B9D1: variants seen among roughly 807,000 people sequenced by gnomAD.
B9D1 encodes the protein B9 domain-containing protein 1.
B9D1 carries 20 observed loss-of-function variants against 26.1 expected under a neutral mutation model. The observed-to-expected ratio is 0.77, with a 90% CI of 0.54 to 1.12. The LOEUF is 1.12. Among genes scored for constraint, B9D1 ranks in the 50% most tolerant of loss-of-function variants. B9D1 has a pLI of 0.00. For synonymous variants in B9D1, 105 were observed against 103.1 expected (o/e 1.02, Z -0.11); for missense variants, 260 against 273.7 (o/e 0.95, Z 0.35).
At chr17:19,357,459 A>T (rs1910496577) in intron 3 of B9D1, 2 of 337,236 alleles carry the variant, frequency 5.9e-6, no homozygotes, top group Non-Finnish European at 1.2e-5. Context: ...GCACAGGAGG[A>T]GAAAGTGCCA....
intron 5 of B9D1, chr17:19,346,877 C>G: frequency 7.2e-7 from 1 of 1,397,754 alleles, no homozygotes; most frequent in Non-Finnish European, 9.3e-7. Flanking sequence ...ATGTCAGCTC[C>G]GGCCAGAGAC....
intron 3 of B9D1, among the ~76,000 whole-genome samples, chr17:19,352,151 G>A (rs1384146154): frequency 2.0e-5 from 3 of 152,092 alleles, no homozygotes; most frequent in Non-Finnish European, 2.9e-5. Context: ...CTCCCAAAGT[G>A]TTGGGATTAT....
chr17:19,361,816 G>A lies in B9D1; in HGVS notation c.63+691C>T, dbSNP rs542172277. ...AGTGAAGCTTTGAGGTCAGATAGGCGTGGGTTCAATTCCCAGACAGGCCAG... is the reference window on the plus strand; with the variant it reads ...AGTGAAGCTTTGAGGTCAGATAGGCATGGGTTCAATTCCCAGACAGGCCAG... On this transcript the variant is annotated intron_variant, in intron 1 of 6. Transcript: ENST00000261499. Among the ~76,000 whole-genome samples, 67 of 152,180 alleles carry A rather than the reference G, an allele frequency of 4.4e-4. 1 individual carries two copies. The highest frequency in any genetic ancestry group is 4.1e-3 in the Admixed American group (62 of 15,286).
chr17:19,369,684 A>G (rs1379635291), intron 1 of B9D1, among the ~76,000 whole-genome samples: 1 of 152,190 alleles, frequency 6.6e-6, no homozygotes, highest in African/African-American at 2.4e-5. Context: ...GCAAAGAAAA[A>G]TACAGGATGC....
intron 1 of B9D1, chr17:19,371,475 G>C (rs879799400): frequency 6.6e-6 from 1 of 152,218 alleles, no homozygotes; most frequent in Admixed American, 6.5e-5. Flanking sequence ...TTTTGCAGAA[G>C]TGAGACTGAG....
In B9D1 at chr17:19,359,565, T is replaced by C. The variant is rs570057525; in HGVS notation, c.132+755A>G. 1.3e-5 allele frequency among the ~76,000 whole-genome samples: 2 copies of C among 152,290 alleles called. No homozygotes were observed. Among genetic ancestry groups the C allele is most frequent in the East Asian group, 3.9e-4 (2 of 5,186 alleles). Reference sequence around the variant, plus strand: ...CCTTCTCATCACTCATCCCTGTCACTTCCTGGCTTGGTCTCCCCTCACACT... The same window carrying C: ...CCTTCTCATCACTCATCCCTGTCACCTCCTGGCTTGGTCTCCCCTCACACT... On this transcript the variant is annotated intron_variant, in intron 2 of 6. Coordinates refer to ENST00000261499, the MANE Select transcript of B9D1 (RefSeq NM_015681.6). The surrounding 1 kb of genome is among the most constrained non-coding windows in gnomAD (Gnocchi z 5.0).
chr17:19,337,737 C>CTATGACAGACAGCCA, downstream of B9D1: 1 of 1,535,194 alleles, frequency 6.5e-7, no homozygotes, highest in East Asian at 2.4e-5. Context: ...TGACAGACAG[C>CTATGACAGACAGCCA]CCTGAAGGTG....
intron 1 of B9D1, chr17:19,377,737 G>T: frequency 4.2e-6 from 3 of 706,860 alleles, no homozygotes; most frequent in Non-Finnish European, 3.5e-6. Flanking sequence ...CGGTTCCAGC[G>T]AGGGCTCCGC....
chr17:19,376,687 A>C (rs1261796572), intron 1 of B9D1, among the ~76,000 whole-genome samples: 1 of 148,560 alleles, frequency 6.7e-6, no homozygotes, highest in Non-Finnish European at 1.5e-5. Flanking sequence ...GATCCCAGCT[A>C]TTCGGGAGGC....
At chr17:19,356,302 G>C (rs1910346584) in intron 3 of B9D1, among the ~76,000 whole-genome samples, 1 of 152,104 alleles carries the variant, frequency 6.6e-6, no homozygotes, top group Non-Finnish European at 1.5e-5. Context: ...ATATTGCCCA[G>C]GCTGGTCTTA....
intron 3 of B9D1, among the ~76,000 whole-genome samples, chr17:19,355,301 G>A (rs1212493155): frequency 6.6e-6 from 1 of 152,174 alleles, no homozygotes; most frequent in Admixed American, 6.5e-5. Context: ...GCCAAGGTGG[G>A]AGGATTGCCT....
At chr17:19,337,771 G>C, downstream of B9D1, 3 of 1,516,350 alleles carry the variant, frequency 2.0e-6, no homozygotes, top group South Asian at 2.4e-5. Context: ...AAATGGACAA[G>C]GGTCAAGCAT....
At chr17:19,360,975 C>T (rs1195341647) in intron 1 of B9D1, among the ~76,000 whole-genome samples, 2 of 152,158 alleles carry the variant, frequency 1.3e-5, no homozygotes, top group East Asian at 1.9e-4. Context: ...CAGCTGCTCC[C>T]CATTGCTCGC....
intron 3 of B9D1, among the ~76,000 whole-genome samples, chr17:19,353,706 C>T (rs921542474): frequency 4.0e-5 from 6 of 151,540 alleles, no homozygotes; most frequent in Admixed American, 6.6e-5. Context: ...TTTGGGAGGC[C>T]GAGGTGGGCG....
chr17:19,362,160 T>C (rs1362748912), intron 1 of B9D1, among the ~76,000 whole-genome samples: 1 of 152,150 alleles, frequency 6.6e-6, no homozygotes, highest in Admixed American at 6.5e-5. Flanking sequence ...ACAGCGCAAA[T>C]GCTGGAAACT....
intron 1 of B9D1, among the ~76,000 whole-genome samples, chr17:19,376,624 CAAA>C (rs56972267): frequency 2.2e-4 from 11 of 48,956 alleles, no homozygotes; most frequent in Non-Finnish European, 2.6e-4. Flanking sequence ...TACTAAAATA[CAAA>C]AAAAAAAAAA....
At chr17:19,358,929 C>T (rs1910696517) in intron 2 of B9D1, among the ~76,000 whole-genome samples, 1 of 152,230 alleles carries the variant, frequency 6.6e-6, no homozygotes. Context: ...ATCTGTTCTT[C>T]TCACTGAAAG....
chr17:19,343,836 G>A lies in B9D1; in HGVS notation c.426C>T (p.Pro142=), dbSNP rs775970042. The change falls in exon 6 of 7, where the codon CCC becomes CCT. Residue 142 remains proline (P), a synonymous_variant. Transcript: ENST00000261499. ...CCACCACCTTGGGGTCTGTGTACTC[G>A]GGCCGCCGCCCCATGAACCAGCTGG... The part of the protein sequence containing the change: ...KFTSWFMGRR[P]EYTDPKVVAQ... 19 of 1,614,028 alleles carry A rather than the reference G, an allele frequency of 1.2e-5. No individual in the cohort carries two copies. The highest frequency in any genetic ancestry group is 5.5e-5 in the South Asian group (5 of 91,080).
At chr17:19,356,466 G>A (rs1189115654) in intron 3 of B9D1, among the ~76,000 whole-genome samples, 1 of 152,212 alleles carries the variant, frequency 6.6e-6, no homozygotes, top group Non-Finnish European at 1.5e-5. Context: ...GAATCAGGAG[G>A]TTGAAATCAT....
Sources: allele counts gnomAD v4.1 joint callset (sites outside exome capture counted in the v4.1 genomes callset), GRCh38; gene constraint gnomAD v4.1.1; non-coding constraint Gnocchi (gnomAD v3.1); transcripts MANE v1.5; gene names NCBI Gene and HGNC (gene_info 2026-07-23, HGNC 2026-07-21).